The following SLIT3 variants were observed in gnomAD, a reference collection of about 807,000 sequenced individuals.
SLIT3 encodes the protein slit homolog 3 protein.
In SLIT3, 68 loss-of-function variants were observed where a neutral mutation model predicts 184.0. The ratio of observed to expected loss-of-function variants is 0.37; its 90% CI spans 0.30 to 0.45. The LOEUF (loss-of-function observed/expected upper bound fraction) is 0.45, where lower values mean the gene tolerates loss of function less well. Among genes scored for constraint, SLIT3 ranks in the 20% least tolerant of loss-of-function variants. The pLI is 1.00. For missense variants in SLIT3, 1,707 were observed against 2,026.0 expected (o/e 0.84, Z 3.02); for synonymous variants, 831 against 828.6 (o/e 1.00, Z -0.05).
chr5:169,077,701 C>T (rs920696051), intron 4 of SLIT3, among the ~76,000 whole-genome samples: 9 of 152,042 alleles, frequency 5.9e-5, no homozygotes, highest in African/African-American at 1.9e-4. Context: ...TGTGGGGGGT[C>T]ACCACCCCAA....
intron 4 of SLIT3, among the ~76,000 whole-genome samples, chr5:168,990,798 G>A (rs560110405): frequency 6.6e-6 from 1 of 152,316 alleles, no homozygotes; most frequent in South Asian, 2.1e-4. Flanking sequence ...CAGTCTGCAA[G>A]AACACGCTCC....
chr5:169,260,144 TAAAC>T (rs1766112761), intron 1 of SLIT3, among the ~76,000 whole-genome samples: 1 of 151,386 alleles, frequency 6.6e-6, no homozygotes, highest in African/African-American at 2.4e-5. Context: ...TTAAAAAAAA[TAAAC>T]AACTTTAAAA....
intron 6 of SLIT3, among the ~76,000 whole-genome samples, chr5:168,824,415 C>G (rs1458884674): frequency 6.6e-6 from 1 of 152,162 alleles, no homozygotes; most frequent in Non-Finnish European, 1.5e-5. Flanking sequence ...TGAAATGAGG[C>G]TGTTGAAGAA....
chr5:169,283,785 A>C (rs567182994), intron 1 of SLIT3, among the ~76,000 whole-genome samples: 1 of 152,356 alleles, frequency 6.6e-6, no homozygotes, highest in East Asian at 1.9e-4. Flanking sequence ...AGAAGTGGCC[A>C]CTGAATGGCC....
At chr5:169,051,297 T>C (rs541898981) in intron 4 of SLIT3, among the ~76,000 whole-genome samples, 40 of 152,134 alleles carry the variant, frequency 2.6e-4, no homozygotes, top group Middle Eastern at 3.4e-3. Flanking sequence ...TTTTTTTTTT[T>C]CCCCTCTACA....
chr5:169,144,148 G>A (rs1007710265), intron 4 of SLIT3, among the ~76,000 whole-genome samples: 7 of 152,170 alleles, frequency 4.6e-5, no homozygotes, highest in Admixed American at 3.3e-4. Context: ...TCTTCCCATT[G>A]TCTTGTGACA....
In SLIT3 at chr5:168,672,965, C is replaced by T. The variant is rs79695136; in HGVS notation, c.3841+212G>A. On this transcript the variant is annotated intron_variant, in intron 33 of 35. Coordinates refer to ENST00000519560, the MANE Select transcript of SLIT3 (RefSeq NM_003062.4). ...CTTGCCCGTCACAACGTGTAGTTTCCAGGAGTCCTGTTCTCTTTCCTTTCC... is the reference window on the plus strand; with the variant it reads ...CTTGCCCGTCACAACGTGTAGTTTCTAGGAGTCCTGTTCTCTTTCCTTTCC... 2.2e-4 allele frequency among the ~76,000 whole-genome samples: 34 copies of T among 152,284 alleles called. 1 individual carries two copies. The highest frequency in any genetic ancestry group is 7.7e-4 in the African/African-American group (32 of 41,558).
intron 4 of SLIT3, among the ~76,000 whole-genome samples, chr5:169,044,587 T>TGGGGGGGGGGGGTGGGGGGAGGGGG (rs57256659): frequency 1.4e-5 from 1 of 70,644 alleles, no homozygotes; most frequent in African/African-American, 4.2e-5. Flanking sequence ...TGGAGGAAGG[T>TGGGGGGGGGGGGTGGGGGGAGGGGG]GGGGGGGGGG....
chr5:168,671,325 A>T lies in SLIT3; in HGVS notation c.4000T>A (p.Ser1334Thr). The T allele has an allele frequency of 6.2e-7, 1 of 1,614,004 alleles. No individual in the cohort carries two copies. Among genetic ancestry groups the T allele is most frequent in the South Asian group, 1.1e-5 (1 of 91,076 alleles). The stretch of plus-strand genomic sequence containing the variant: ...AGGCCGTGCTTGCACACGGTGCAGG[A>T]CTTGCAGCCTGGTGACACCCCCAGG... ...QSLGVSPGCKSCTVCKHGLCR... is the reference protein window; with the variant it reads ...QSLGVSPGCKTCTVCKHGLCR... Residue 1334 changes from serine (S) to threonine (T), a missense_variant, in exon 34 of 36, where the codon TCC (serine) becomes ACC (threonine). By Grantham distance (58) the Ser-to-Thr change is moderately conservative. Transcript: ENST00000519560.
chr5:169,110,979 C>A (rs1229217906), intron 4 of SLIT3, among the ~76,000 whole-genome samples: 2 of 152,202 alleles, frequency 1.3e-5, no homozygotes, highest in Non-Finnish European at 2.9e-5. Flanking sequence ...CTGCCCTGAC[C>A]ACCTACTACT....
At chr5:168,791,299 C>T (rs1056566503) in intron 10 of SLIT3, 2 of 152,244 alleles carry the variant, frequency 1.3e-5, no homozygotes, top group African/African-American at 4.8e-5. Flanking sequence ...AAACCCTCTG[C>T]TTTAGCTCTG....
intron 6 of SLIT3, among the ~76,000 whole-genome samples, chr5:168,838,818 C>T (rs1758145374): frequency 6.6e-6 from 1 of 152,144 alleles, no homozygotes; most frequent in Non-Finnish European, 1.5e-5. Flanking sequence ...GTTGAACCCA[C>T]CAGGATATGA....
At chr5:168,952,879 TG>T (rs1301264615) in intron 4 of SLIT3, among the ~76,000 whole-genome samples, 1 of 152,158 alleles carries the variant, frequency 6.6e-6, no homozygotes, top group Non-Finnish European at 1.5e-5. Context: ...GAATACAGTG[TG>T]GGCAGGTGGG....
intron 4 of SLIT3, among the ~76,000 whole-genome samples, chr5:168,908,201 C>T (rs1018339635): frequency 1.3e-5 from 2 of 151,934 alleles, no homozygotes; most frequent in Admixed American, 6.6e-5. Flanking sequence ...CATGCTGTTG[C>T]ATTCTGAATA....
At chr5:168,876,306 C>G (rs1249862095) in intron 5 of SLIT3, among the ~76,000 whole-genome samples, 1 of 152,144 alleles carries the variant, frequency 6.6e-6, no homozygotes, top group Non-Finnish European at 1.5e-5. Flanking sequence ...CAGCAATCTA[C>G]CCTCCCCACT....
intron 4 of SLIT3, among the ~76,000 whole-genome samples, chr5:169,129,681 G>C (rs1761219972): frequency 6.6e-6 from 1 of 152,154 alleles, no homozygotes. Flanking sequence ...AGACTGAGGA[G>C]ACATAACAAC....
In SLIT3 at chr5:168,712,208, A is replaced by G; in HGVS notation, c.2555+75T>C. ...AAAGGACATCTGCCAAAATGCTGAC[A>G]GTGATGACATTGTCGCTGACACTTT... On this transcript the variant is annotated intron_variant, in intron 24 of 35. Transcript: ENST00000519560. The G allele has an allele frequency of 2.3e-6, 3 of 1,279,638 alleles. No individual in the cohort carries two copies. In the South Asian group the frequency reaches 3.6e-5, roughly 15 times the overall value. The allele number at this position is 1,279,638 out of a possible 1,614,324, so 79.3% of individuals were successfully genotyped here. A position where few individuals can be genotyped will look rare whatever the true frequency, so the allele number is the denominator to read the frequency against.
chr5:169,233,822 CT>C (rs895552878), intron 3 of SLIT3, among the ~76,000 whole-genome samples: 1 of 151,766 alleles, frequency 6.6e-6, no homozygotes, highest in African/African-American at 2.4e-5. Flanking sequence ...CCCTTCCTTC[CT>C]TTCCTATTTT....
chr5:169,077,246 A>T (rs1351808121), intron 4 of SLIT3, among the ~76,000 whole-genome samples: 1 of 152,182 alleles, frequency 6.6e-6, no homozygotes, highest in East Asian at 1.9e-4. Context: ...TTGTAAGAAT[A>T]CAGTATGTAG....
Sources: allele counts gnomAD v4.1 joint callset (sites outside exome capture counted in the v4.1 genomes callset), GRCh38; gene constraint gnomAD v4.1.1; transcripts MANE v1.5; gene names NCBI Gene and HGNC (gene_info 2026-07-23, HGNC 2026-07-21).